Variants in SMPD3 observed in about 807,000 individuals in gnomAD.
SMPD3 encodes the protein sphingomyelin phosphodiesterase 3.
In SMPD3, 21 loss-of-function variants were observed where a neutral mutation model predicts 55.7. The observed-to-expected ratio is 0.38, with a 90% CI of 0.27 to 0.54. The LOEUF is 0.54. SMPD3 is among the 20% of genes least tolerant of loss of function. The pLI is 0.80. For missense variants in SMPD3, 842 were observed against 899.6 expected (o/e 0.94, Z 0.82); for synonymous variants, 457 against 404.3 (o/e 1.13, Z -1.56).
chr16:68,364,682 G>T, intron 5 of SMPD3, 69 bp downstream of exon 5: 1 of 1,529,440 alleles, frequency 6.5e-7, no homozygotes, highest in South Asian at 1.2e-5. Flanking sequence ...AACGAAGTCT[G>T]TCTAGCTGTG....
chr16:68,423,538 C>T (rs534257461), intron 1 of SMPD3, among the ~76,000 whole-genome samples: 2 of 152,254 alleles, frequency 1.3e-5, no homozygotes, highest in South Asian at 4.2e-4. Flanking sequence ...GATGCGACCC[C>T]CTTGATCTTG....
At chr16:68,361,454 C>A (rs2089261255) in intron 8 of SMPD3, 147 bp from the exon 9 acceptor site, 7 of 1,387,890 alleles carry the variant, frequency 5.0e-6, no homozygotes, top group Non-Finnish European at 7.0e-6. Flanking sequence ...CCTGGAGGAC[C>A]TGGGGCCCTA....
At chr16:68,361,785 G>A (rs1316626484) in intron 7 of SMPD3, 26 bp from the exon 8 acceptor site, 4 of 1,607,540 alleles carry the variant, frequency 2.5e-6, no homozygotes, top group Non-Finnish European at 3.4e-6. Flanking sequence ...GGAGGCAGGT[G>A]GGCCCCCATG....
At chr16:68,365,225 G>T in intron 3 of SMPD3, 133 bp from the exon 4 acceptor site, 1 of 845,970 alleles carries the variant, frequency 1.2e-6, no homozygotes. Flanking sequence ...TCTGGGGTCC[G>T]AGTAGGGACA....
At chr16:68,378,830 A>G (rs1407449422) in intron 2 of SMPD3, among the ~76,000 whole-genome samples, 1 of 151,740 alleles carries the variant, frequency 6.6e-6, no homozygotes, top group Non-Finnish European at 1.5e-5. Context: ...CTGAGATGGA[A>G]GGTTAGGAAC....
At chr16:68,435,067 C>G (rs2090511688) in intron 1 of SMPD3, among the ~76,000 whole-genome samples, 1 of 152,182 alleles carries the variant, frequency 6.6e-6, no homozygotes, top group Non-Finnish European at 1.5e-5. Flanking sequence ...CAGAAAGTGT[C>G]ATCACTACTA....
chr16:68,438,427 G>A (rs2090541164), intron 1 of SMPD3, among the ~76,000 whole-genome samples: 1 of 152,204 alleles, frequency 6.6e-6, no homozygotes, highest in African/African-American at 2.4e-5. Context: ...CTGGCTTTGA[G>A]ACACTTGGTG....
chr16:68,385,818 T>G (rs747167921), intron 2 of SMPD3, among the ~76,000 whole-genome samples: 1 of 152,254 alleles, frequency 6.6e-6, no homozygotes, highest in Non-Finnish European at 1.5e-5. Flanking sequence ...ACTTTAACGC[T>G]TCTGATACAT....
chr16:68,442,416 G>T (rs959308020), intron 1 of SMPD3, among the ~76,000 whole-genome samples: 3 of 152,198 alleles, frequency 2.0e-5, no homozygotes, highest in Non-Finnish European at 4.4e-5. Context: ...ATTTCTATAA[G>T]AAAGGACTTA....
chr16:68,407,575 T>TCCTCCCGTCTCAG (rs2090264408), intron 1 of SMPD3, among the ~76,000 whole-genome samples: 1 of 152,180 alleles, frequency 6.6e-6, no homozygotes, highest in Non-Finnish European at 1.5e-5. Flanking sequence ...CCTCAAAGGA[T>TCCTCCCGTCTCAG]CCTCCCGTCT....
At chr16:68,396,597 C>T (rs960716984) in intron 1 of SMPD3, among the ~76,000 whole-genome samples, 2 of 152,164 alleles carry the variant, frequency 1.3e-5, no homozygotes, top group African/African-American at 2.4e-5. Flanking sequence ...GCGTAGAGCC[C>T]CCTGAGCTCC....
At chr16:68,410,047 C>G (rs1461502336) in intron 1 of SMPD3, among the ~76,000 whole-genome samples, 1 of 152,216 alleles carries the variant, frequency 6.6e-6, no homozygotes, top group Admixed American at 6.5e-5. Context: ...CTGACCCTAA[C>G]GAGGCAGAGA....
intron 1 of SMPD3, among the ~76,000 whole-genome samples, chr16:68,416,318 G>A (rs1268633596): frequency 6.6e-6 from 1 of 152,134 alleles, no homozygotes. Context: ...TCTCCCCATT[G>A]TTCCCTGTGA....
chr16:68,446,791 C>T (rs2090613469), intron 1 of SMPD3, among the ~76,000 whole-genome samples: 3 of 152,214 alleles, frequency 2.0e-5, no homozygotes, highest in Admixed American at 2.0e-4. Context: ...GTGGAGCCCC[C>T]ACCTGTCCCT....
chr16:68,376,578 C>T (rs185388405), intron 2 of SMPD3, among the ~76,000 whole-genome samples: 2 of 152,334 alleles, frequency 1.3e-5, no homozygotes, highest in Admixed American at 1.3e-4. Context: ...ATGGATTTGT[C>T]CCCTTTGCGA....
At chr16:68,369,252 A>T (rs996662479) in intron 3 of SMPD3, 70 of 152,304 alleles carry the variant, frequency 4.6e-4, no homozygotes, top group Non-Finnish European at 5.1e-4. Context: ...AATACAAAAA[A>T]TTTTTGAATG....
chr16:68,416,266 C>T (rs552440729), intron 1 of SMPD3, among the ~76,000 whole-genome samples: 2 of 152,178 alleles, frequency 1.3e-5, no homozygotes, highest in South Asian at 4.1e-4. Flanking sequence ...TAGCTCAGAG[C>T]CCGACCCTTT....
chr16:68,403,956 C>G (rs192699155), intron 1 of SMPD3, among the ~76,000 whole-genome samples: 7 of 152,276 alleles, frequency 4.6e-5, no homozygotes, highest in Non-Finnish European at 1.0e-4. Context: ...AACGCCAGGT[C>G]CCAGGGAGGC....
At chr16:68,367,611 G>A (rs2089524323) in intron 3 of SMPD3, 1 of 152,292 alleles carries the variant, frequency 6.6e-6, no homozygotes, top group South Asian at 2.1e-4. Flanking sequence ...GGAGGCCTCA[G>A]ACTGGGCCCT....
Sources: gnomAD v4.1 joint callset for allele counts (sites outside exome capture counted in the v4.1 genomes callset) on GRCh38, gnomAD v4.1.1 for gene constraint, MANE v1.5 for transcripts, NCBI Gene and HGNC (gene_info 2026-07-23, HGNC 2026-07-21) for gene names.